Variants in MCU observed in about 807,000 individuals in gnomAD.
MCU encodes the protein calcium uniporter protein, mitochondrial.
Under a neutral mutation model 45.2 loss-of-function variants are expected in MCU, and 12 were observed. The observed-to-expected ratio is 0.27, with a 90% CI of 0.17 to 0.43. The LOEUF (loss-of-function observed/expected upper bound fraction) is 0.43. MCU is among the 20% of genes least tolerant of loss of function. MCU has a pLI of 1.00. For synonymous variants in MCU, 160 were observed against 165.1 expected (o/e 0.97, Z 0.24); for missense variants, 324 against 436.7 (o/e 0.74, Z 2.30).
intron 1 of MCU, among the ~76,000 whole-genome samples, chr10:72,704,704 A>ACTTTTTTT (rs1435890480): frequency 9.4e-6 from 1 of 106,746 alleles, no homozygotes; most frequent in Non-Finnish European, 1.8e-5. Context: ...TGCCTGGATA[A>ACTTTTTTT]TTTTTTTTTT....
intron 1 of MCU, among the ~76,000 whole-genome samples, chr10:72,731,714 A>G (rs1180561876): frequency 6.6e-6 from 1 of 152,146 alleles, no homozygotes; most frequent in Non-Finnish European, 1.5e-5. Context: ...CATATAATAC[A>G]TGGCCTTTTG....
chr10:72,762,793 A>G (rs1843673351), intron 1 of MCU, among the ~76,000 whole-genome samples: 1 of 152,158 alleles, frequency 6.6e-6, no homozygotes. Flanking sequence ...ATAATGTCAT[A>G]AAACTGTTCC....
intron 1 of MCU, among the ~76,000 whole-genome samples, chr10:72,781,520 A>C (rs1208543796): frequency 6.6e-6 from 1 of 152,254 alleles, no homozygotes; most frequent in East Asian, 1.9e-4. Flanking sequence ...AGTATCATTC[A>C]TTTATTCCAT....
At chr10:72,727,901 A>T (rs896477660) in intron 1 of MCU, among the ~76,000 whole-genome samples, 5 of 142,942 alleles carry the variant, frequency 3.5e-5, no homozygotes, top group African/African-American at 7.6e-5. Flanking sequence ...TTTAAGCAGA[A>T]TTTTTTTTTT....
At chr10:72,869,542 T>C (rs1364691941) in intron 5 of MCU, among the ~76,000 whole-genome samples, 5 of 152,104 alleles carry the variant, frequency 3.3e-5, no homozygotes, top group Non-Finnish European at 5.9e-5. Flanking sequence ...GAGCCAAAAT[T>C]GCACCACTGC....
chr10:72,715,039 AG>A, intron 1 of MCU: 1 of 260,826 alleles, frequency 3.8e-6, no homozygotes, highest in Non-Finnish European at 6.0e-6. Flanking sequence ...TTATATGCTG[AG>A]GTACCCACAT....
intron 1 of MCU, among the ~76,000 whole-genome samples, chr10:72,762,720 A>G (rs1206125283): frequency 1.3e-5 from 2 of 152,178 alleles, no homozygotes; most frequent in African/African-American, 2.4e-5. Flanking sequence ...TTTAAGTAAG[A>G]TAGATTTTCT....
At chr10:72,746,037 T>G (rs1303180233) in intron 1 of MCU, among the ~76,000 whole-genome samples, 2 of 152,228 alleles carry the variant, frequency 1.3e-5, no homozygotes, top group African/African-American at 4.8e-5. Flanking sequence ...CCTGCCTGTG[T>G]TTTGTTTCCT....
At chr10:72,875,406 A>C (rs1845603001) in intron 6 of MCU, among the ~76,000 whole-genome samples, 2 of 152,172 alleles carry the variant, frequency 1.3e-5, no homozygotes, top group South Asian at 4.1e-4. Flanking sequence ...CTGTCCTACT[A>C]GTTAAATGCT....
At chr10:72,780,817 A>G (rs1398789170) in intron 1 of MCU, among the ~76,000 whole-genome samples, 1 of 152,134 alleles carries the variant, frequency 6.6e-6, no homozygotes, top group Non-Finnish European at 1.5e-5. Flanking sequence ...TTACACTCAC[A>G]GGCTTATTTG....
chr10:72,700,280 T>TG (rs1279899984), intron 1 of MCU, among the ~76,000 whole-genome samples: 2 of 152,110 alleles, frequency 1.3e-5, no homozygotes, highest in Non-Finnish European at 2.9e-5. Flanking sequence ...AGGCTGGTCT[T>TG]GAACTCCTGG....
At chr10:72,742,038 A>AAC (rs1843341706) in intron 1 of MCU, among the ~76,000 whole-genome samples, 3 of 151,628 alleles carry the variant, frequency 2.0e-5, no homozygotes, top group African/African-American at 7.3e-5. Context: ...AAAAAAAAAA[A>AAC]AAAAAAACAA....
At chr10:72,695,807 C>T (rs917463506) in intron 1 of MCU, among the ~76,000 whole-genome samples, 1 of 151,378 alleles carries the variant, frequency 6.6e-6, no homozygotes, top group African/African-American at 2.4e-5. Context: ...AACTCCTGGG[C>T]TCAAGCTCTC....
At chr10:72,704,895 A>G (rs1005254517) in intron 1 of MCU, among the ~76,000 whole-genome samples, 2 of 151,320 alleles carry the variant, frequency 1.3e-5, no homozygotes, top group Admixed American at 6.6e-5. Context: ...TAATTTTTGT[A>G]TTTTTAGTGG....
intron 1 of MCU, among the ~76,000 whole-genome samples, chr10:72,695,194 A>C (rs1388155555): frequency 6.6e-6 from 1 of 152,188 alleles, no homozygotes; most frequent in Non-Finnish European, 1.5e-5. Flanking sequence ...CACTGTTGGC[A>C]TTTTCTAGCA....
chr10:72,741,254 C>A (rs995675939), intron 1 of MCU, among the ~76,000 whole-genome samples: 1 of 151,980 alleles, frequency 6.6e-6, no homozygotes, highest in Admixed American at 6.6e-5. Context: ...CGCCCACCAC[C>A]ACACCCGGCT....
chr10:72,750,625 T>C (rs1239599160), intron 1 of MCU, among the ~76,000 whole-genome samples: 2 of 152,188 alleles, frequency 1.3e-5, no homozygotes, highest in Non-Finnish European at 2.9e-5. Context: ...GAGATACTGA[T>C]TTTTTTCAGA....
intron 2 of MCU, among the ~76,000 whole-genome samples, chr10:72,853,720 GA>G (rs1375515957): frequency 1.3e-5 from 2 of 152,198 alleles, no homozygotes. Flanking sequence ...GGAAAATGTT[GA>G]AAAGCAGGCA....
At chr10:72,869,446 A>G (rs540417678) in intron 5 of MCU, among the ~76,000 whole-genome samples, 1 of 152,312 alleles carries the variant, frequency 6.6e-6, no homozygotes, top group African/African-American at 2.4e-5. Context: ...TTAGCCGGGC[A>G]TTGTGGTATC....
Sources: allele counts gnomAD v4.1 joint callset (sites outside exome capture counted in the v4.1 genomes callset), GRCh38; gene constraint gnomAD v4.1.1; transcripts MANE v1.5; gene names NCBI Gene and HGNC (gene_info 2026-07-23, HGNC 2026-07-21).